Variants in PRKCA observed in about 807,000 individuals in gnomAD.
PRKCA encodes the protein protein kinase C alpha, also known as protein kinase C alpha type.
PRKCA carries 27 observed loss-of-function variants against 87.0 expected under a neutral mutation model. That is an observed-to-expected ratio of 0.31 (90% confidence interval 0.23 to 0.43). The LOEUF (loss-of-function observed/expected upper bound fraction) is 0.43, where lower values mean the gene tolerates loss of function less well. Ranked by LOEUF, PRKCA falls within the 20% of genes least tolerant of loss-of-function variation. The probability of loss-of-function intolerance (pLI) is 1.00; values close to 1 mark genes in which losing one functional copy is unlikely to be tolerated. For missense variants in PRKCA, 518 were observed against 852.3 expected, an observed-to-expected ratio of 0.61 and a Z score of 4.88; for synonymous variants, 329 against 311.1, an observed-to-expected ratio of 1.06 and a Z score of -0.61.
intron 2 of PRKCA, among the ~76,000 whole-genome samples, chr17:66,312,861 C>T (rs1162479204): frequency 1.3e-5 from 2 of 151,470 alleles, no homozygotes; most frequent in Non-Finnish European, 2.9e-5. Flanking sequence ...GCCTTAGCCT[C>T]CTGAGTAGCC....
At chr17:66,489,424 G>A (rs750772278) in intron 2 of PRKCA, among the ~76,000 whole-genome samples, 65 of 143,392 alleles carry the variant, frequency 4.5e-4, no homozygotes, top group Middle Eastern at 3.8e-3. Flanking sequence ...ATAGCAATCC[G>A]TGTTAGATGT....
At chr17:66,795,148 C>T (rs1368505465) in intron 16 of PRKCA, among the ~76,000 whole-genome samples, 1 of 152,148 alleles carries the variant, frequency 6.6e-6, no homozygotes, top group Non-Finnish European at 1.5e-5. Flanking sequence ...AAGGACATCT[C>T]CTGGTACTAT....
chr17:66,358,856 A>G (rs539877812), intron 2 of PRKCA, among the ~76,000 whole-genome samples: 21 of 151,804 alleles, frequency 1.4e-4, no homozygotes, highest in African/African-American at 4.3e-4. Flanking sequence ...CTTGATTTCT[A>G]TGGTTACATA....
chr17:66,468,542 C>T, intron 2 of PRKCA, among the ~76,000 whole-genome samples: 1 of 152,190 alleles, frequency 6.6e-6, no homozygotes, highest in East Asian at 1.9e-4. Flanking sequence ...CATGGGCACC[C>T]TTCTGTTTTT....
At chr17:66,368,414 A>T (rs533977287) in intron 2 of PRKCA, among the ~76,000 whole-genome samples, 60 of 50,694 alleles carry the variant, frequency 1.2e-3, no homozygotes, top group South Asian at 7.0e-3. Flanking sequence ...TTTTTTTTGG[A>T]GACAGGGTCT....
chr17:66,653,860 G>A (rs1306048897), intron 5 of PRKCA, among the ~76,000 whole-genome samples: 1 of 149,402 alleles, frequency 6.7e-6, no homozygotes, highest in Non-Finnish European at 1.5e-5. Context: ...ACTTCCTTTA[G>A]TTTGTCTTTA....
intron 3 of PRKCA, among the ~76,000 whole-genome samples, chr17:66,578,438 C>A (rs1969310983): frequency 6.6e-6 from 1 of 152,292 alleles, no homozygotes; most frequent in Non-Finnish European, 1.5e-5. Flanking sequence ...TTCATATTCA[C>A]CACCTGAAAA....
At chr17:66,376,642 C>T (rs958341257) in intron 2 of PRKCA, among the ~76,000 whole-genome samples, 5 of 151,792 alleles carry the variant, frequency 3.3e-5, no homozygotes, top group Non-Finnish European at 5.9e-5. Context: ...TTGAATAGGT[C>T]GTCTGCTGGG....
intron 3 of PRKCA, among the ~76,000 whole-genome samples, chr17:66,640,609 T>C (rs941849599): frequency 6.6e-6 from 1 of 152,238 alleles, no homozygotes; most frequent in Non-Finnish European, 1.5e-5. Flanking sequence ...TTCTGGATAC[T>C]CTGTCCAAGA....
chr17:66,622,254 A>C (rs950273747), intron 3 of PRKCA, among the ~76,000 whole-genome samples: 8 of 152,250 alleles, frequency 5.3e-5, no homozygotes, highest in Non-Finnish European at 8.8e-5. Context: ...CAGACTCTTC[A>C]TAAATACTGA....
At chr17:66,332,224 TC>T (rs1906370130) in intron 2 of PRKCA, among the ~76,000 whole-genome samples, 9 of 142,958 alleles carry the variant, frequency 6.3e-5, no homozygotes, top group African/African-American at 2.1e-4. Context: ...CTTCCTTCCT[TC>T]CTTCTTTTTT....
chr17:66,769,227 G>A (rs1974878362), intron 13 of PRKCA, among the ~76,000 whole-genome samples: 1 of 152,072 alleles, frequency 6.6e-6, no homozygotes, highest in African/African-American at 2.4e-5. Flanking sequence ...GTGTGGTGGT[G>A]CATGCCTGTG....
chr17:66,342,370 C>A (rs367889036), intron 2 of PRKCA, among the ~76,000 whole-genome samples: 2 of 151,050 alleles, frequency 1.3e-5, no homozygotes, highest in Non-Finnish European at 2.9e-5. Flanking sequence ...TGCAGTGAGC[C>A]GAGATCAGGC....
At chr17:66,664,374 T>G (rs1471019402) in intron 5 of PRKCA, among the ~76,000 whole-genome samples, 1 of 152,178 alleles carries the variant, frequency 6.6e-6, no homozygotes, top group Non-Finnish European at 1.5e-5. Context: ...ACCCCATCAT[T>G]TCCTGCCCCC....
At chr17:66,610,654 A>G (rs1192947386) in intron 3 of PRKCA, among the ~76,000 whole-genome samples, 1 of 152,230 alleles carries the variant, frequency 6.6e-6, no homozygotes, top group African/African-American at 2.4e-5. Context: ...AAGCAAATTT[A>G]CTTCTGCAGA....
chr17:66,423,762 A>G (rs2143801217), intron 2 of PRKCA, among the ~76,000 whole-genome samples: 1 of 152,148 alleles, frequency 6.6e-6, no homozygotes, highest in African/African-American at 2.4e-5. Flanking sequence ...TAGTTCTAGA[A>G]CTTTGCATGG....
In PRKCA at chr17:66,331,329, A is replaced by G. The variant is rs148250488; in HGVS notation, c.205+25202A>G. The stretch of plus-strand genomic sequence containing the variant: ...ACCCCTTTGTACCTCTCATCTCTTT[A>G]TCTTCTGAAGACTCTGATGTGGCTA... On this transcript the variant is annotated intron_variant, in intron 2 of 16. Coordinates refer to ENST00000413366, the MANE Select transcript of PRKCA (RefSeq NM_002737.3). 3.6e-3 allele frequency among the ~76,000 whole-genome samples: 549 copies of G among 152,168 alleles called. 3 individuals are homozygous for G. The highest frequency in any genetic ancestry group is 5.0e-3 in the Admixed American group (77 of 15,276).
rs1403486342 is a variant in PRKCA, at chr17:66,752,836, C to T, written c.1524+10076C>T. Among the ~76,000 whole-genome samples, 5 of 152,274 alleles carry T rather than the reference C, an allele frequency of 3.3e-5. No individual in the cohort carries two copies. In the East Asian group the frequency reaches 9.7e-4, roughly 29 times the overall value. ...GTGCTGGCTACTAAAAGGCCAAAAA[C>T]AGAAGCCACAGGCTGCTGAAGTCTA... On this transcript the variant is annotated intron_variant, in intron 13 of 16. Transcript: ENST00000413366.
intron 2 of PRKCA, among the ~76,000 whole-genome samples, chr17:66,325,867 T>G (rs1905949978): frequency 6.6e-6 from 1 of 152,182 alleles, no homozygotes; most frequent in Non-Finnish European, 1.5e-5. Flanking sequence ...CTGTCTCCCA[T>G]CCCTCTCCAC....
Sources: allele counts gnomAD v4.1 joint callset (sites outside exome capture counted in the v4.1 genomes callset), GRCh38; gene constraint gnomAD v4.1.1; transcripts MANE v1.5; gene names NCBI Gene and HGNC (gene_info 2026-07-23, HGNC 2026-07-21).